Variants in GTF2A1L observed in about 807,000 individuals in gnomAD.
The protein encoded by GTF2A1L is TFIIA-alpha and beta-like factor.
GTF2A1L carries 48 observed loss-of-function variants against 49.7 expected under a neutral mutation model. The ratio of observed to expected loss-of-function variants is 0.97; its 90% confidence interval spans 0.77 to 1.23. The LOEUF is 1.23. GTF2A1L is among the 50% of genes most tolerant of loss of function. GTF2A1L has a pLI of 0.00. For synonymous variants in GTF2A1L, 246 were observed against 193.5 expected, an observed-to-expected ratio of 1.27 and a Z score of -2.25; for missense variants, 736 against 564.8, an observed-to-expected ratio of 1.30 and a Z score of -3.07.
intron 6 of GTF2A1L, among the ~76,000 whole-genome samples, chr2:48,649,245 G>A (rs1490954512): frequency 2.0e-5 from 3 of 152,140 alleles, no homozygotes; most frequent in Admixed American, 6.5e-5. Context: ...AGTCGATATC[G>A]TAGCATGTGT....
chr2:48,660,945 T>C (rs1281936306), intron 6 of GTF2A1L, among the ~76,000 whole-genome samples: 4 of 152,140 alleles, frequency 2.6e-5, no homozygotes, highest in African/African-American at 7.2e-5. Flanking sequence ...CCGACCCTCA[T>C]TGATAATTTT....
intron 8 of GTF2A1L, 26 bp downstream of exon 8, chr2:48,671,706 G>A (rs749394542): frequency 1.9e-6 from 3 of 1,594,110 alleles, no homozygotes; most frequent in Non-Finnish European, 2.6e-6. Flanking sequence ...TTTGGACTTT[G>A]GGTTTATTAA....
At chr2:48,660,694 G>A (rs565862914) in intron 6 of GTF2A1L, among the ~76,000 whole-genome samples, 11 of 151,958 alleles carry the variant, frequency 7.2e-5, no homozygotes, top group Admixed American at 1.3e-4. Context: ...GCTGAAGTGC[G>A]GTGGTGTGTG....
chr2:48,677,130 C>T (rs1460221644), intron 8 of GTF2A1L, among the ~76,000 whole-genome samples: 1 of 151,778 alleles, frequency 6.6e-6, no homozygotes, highest in East Asian at 1.9e-4. Flanking sequence ...TTTTTAATGT[C>T]TGGTAAGGTT....
intron 6 of GTF2A1L, among the ~76,000 whole-genome samples, chr2:48,652,150 A>G (rs1320416851): frequency 2.0e-5 from 3 of 152,202 alleles, no homozygotes; most frequent in Non-Finnish European, 2.9e-5. Flanking sequence ...AGAGGGCCTC[A>G]CTGATTGAAG....
At chr2:48,675,014 T>A (rs781026268) in intron 8 of GTF2A1L, among the ~76,000 whole-genome samples, 3 of 151,948 alleles carry the variant, frequency 2.0e-5, no homozygotes, top group Non-Finnish European at 4.4e-5. Flanking sequence ...AAGGTCAAAG[T>A]GGGGTGAGGA....
chr2:48,646,854 C>T lies in GTF2A1L; in HGVS notation c.790C>T (p.Leu264Phe), dbSNP rs750192406. ...SQTNSNVESV[L>F]SGSASMAQNL... ...AACAAATTCTAATGTGGAGTCAGTG[C>T]TCAGTGGTTCAGCTAGCATGGCTCA... The change falls in exon 6 of 9, where the codon CTC (leucine) becomes TTC (phenylalanine). Residue 264 changes from leucine to phenylalanine, a missense_variant. Leu to Phe is a conservative substitution (Grantham distance 22). Coordinates refer to ENST00000403751, the MANE Select transcript of GTF2A1L (RefSeq NM_006872.5). 6.2e-7 allele frequency: 1 copy of T among 1,614,172 alleles called. No individual in the cohort carries two copies. Among genetic ancestry groups the T allele is most frequent in the Non-Finnish European group, 8.5e-7 (1 of 1,180,014 alleles).
chr2:48,641,171 T>A (rs1333138611), intron 3 of GTF2A1L, among the ~76,000 whole-genome samples: 1 of 152,222 alleles, frequency 6.6e-6, no homozygotes, highest in African/African-American at 2.4e-5. Context: ...TTACTTAAGC[T>A]GCAGCAGCTT....
intron 8 of GTF2A1L, among the ~76,000 whole-genome samples, chr2:48,675,775 T>C (rs1679435182): frequency 6.6e-6 from 1 of 151,918 alleles, no homozygotes; most frequent in South Asian, 2.1e-4. Context: ...ATCCCTTAGA[T>C]GCTATACAAT....
chr2:48,658,173 C>T (rs1485869347), intron 6 of GTF2A1L, among the ~76,000 whole-genome samples: 1 of 151,956 alleles, frequency 6.6e-6, no homozygotes, highest in East Asian at 1.9e-4. Context: ...TAAATTATTT[C>T]CCAAGGCTGA....
intron 8 of GTF2A1L, 57 bp downstream of exon 8, chr2:48,671,737 T>C (rs572464077): frequency 7.7e-5 from 113 of 1,461,490 alleles, no homozygotes; most frequent in Non-Finnish European, 1.0e-4. Flanking sequence ...AGTAGAAAGG[T>C]ATGTAAAATG....
chr2:48,621,415 T>C, intron 3 of GTF2A1L, 125 bp downstream of exon 3: 1 of 1,315,908 alleles, frequency 7.6e-7, no homozygotes, highest in Non-Finnish European at 1.0e-6. Context: ...AAATCATTTC[T>C]ATTAAATGAA....
intron 6 of GTF2A1L, among the ~76,000 whole-genome samples, chr2:48,661,982 A>G (rs1313655488): frequency 4.0e-5 from 6 of 151,874 alleles, no homozygotes; most frequent in Non-Finnish European, 7.4e-5. Context: ...TTCCTCCTTT[A>G]TTACCTTCCT....
In GTF2A1L at chr2:48,626,906, A is replaced by C. The variant is rs936426964; in HGVS notation, c.247+5616A>C. On this transcript the variant is annotated intron_variant, in intron 3 of 8. Transcript: ENST00000403751. ...TTTTATTTTTTAAGATGCTATTGTA[A>C]ATGAGATTGTTTTTATGATTTTTTG... Among the ~76,000 whole-genome samples the C allele has an allele frequency of 5.6e-5, 8 of 143,886 alleles. 1 individual carries two copies. The highest frequency in any genetic ancestry group is 2.0e-4 in the African/African-American group (8 of 40,444). 94.4% of individuals were successfully genotyped at this position (143,886 alleles called of 152,430 possible).
intron 6 of GTF2A1L, among the ~76,000 whole-genome samples, chr2:48,666,460 C>T (rs925785326): frequency 5.9e-5 from 9 of 152,138 alleles, no homozygotes; most frequent in African/African-American, 1.2e-4. Flanking sequence ...CTGCCCACCT[C>T]GGCCTGCCAG....
chr2:48,645,254 T>C (rs1677430321), intron 5 of GTF2A1L, 137 bp downstream of exon 5: 6 of 823,210 alleles, frequency 7.3e-6, no homozygotes, highest in Non-Finnish European at 9.0e-6. Flanking sequence ...AAAGTAATGA[T>C]AAATGGTGGT....
chr2:48,618,607 A>G (rs1377162982), intron 1 of GTF2A1L, among the ~76,000 whole-genome samples: 3 of 152,224 alleles, frequency 2.0e-5, no homozygotes, highest in Non-Finnish European at 4.4e-5. Flanking sequence ...CGGGTATTAT[A>G]TATGCAGTAT....
At chr2:48,667,189 G>T (rs1335521339) in intron 6 of GTF2A1L, among the ~76,000 whole-genome samples, 1 of 151,686 alleles carries the variant, frequency 6.6e-6, no homozygotes, top group Non-Finnish European at 1.5e-5. Flanking sequence ...GAACTTCTGG[G>T]CTCAAGCAAT....
intron 7 of GTF2A1L, 99 bp from the exon 8 acceptor site, chr2:48,671,492 C>A: frequency 7.9e-7 from 1 of 1,264,814 alleles, no homozygotes; most frequent in Non-Finnish European, 1.1e-6. Context: ...GAATGAGCCA[C>A]CACGCCGAGA....
Sources: allele counts gnomAD v4.1 joint callset (sites outside exome capture counted in the v4.1 genomes callset), GRCh38; gene constraint gnomAD v4.1.1; transcripts MANE v1.5; gene names NCBI Gene and HGNC (gene_info 2026-07-23, HGNC 2026-07-21).